NPAS3: variants seen among roughly 807,000 people sequenced by gnomAD.
NPAS3 encodes neuronal PAS domain-containing protein 3.
Under a neutral mutation model 73.1 loss-of-function variants are expected in NPAS3, and 14 were observed. The observed-to-expected ratio is 0.19, with a 90% CI of 0.13 to 0.30. The LOEUF (loss-of-function observed/expected upper bound fraction) is 0.30, where lower values mean the gene tolerates loss of function less well. NPAS3 is among the 10% of genes least tolerant of loss of function. The probability of loss-of-function intolerance (pLI) is 1.00; values close to 1 mark genes in which losing one functional copy is unlikely to be tolerated. For synonymous variants in NPAS3, 620 were observed against 541.5 expected, an observed-to-expected ratio of 1.14 and a Z score of -2.01; for missense variants, 1,096 against 1,250.0, an observed-to-expected ratio of 0.88 and a Z score of 1.86.
intron 3 of NPAS3, among the ~76,000 whole-genome samples, chr14:33,325,375 C>T (rs1445794860): frequency 6.6e-6 from 1 of 152,222 alleles, no homozygotes; most frequent in East Asian, 1.9e-4. Context: ...GGCACAGTGG[C>T]TCACGCCTGT....
chr14:33,219,888 A>C (rs1370401219), intron 3 of NPAS3, among the ~76,000 whole-genome samples: 3 of 152,168 alleles, frequency 2.0e-5, no homozygotes, highest in Non-Finnish European at 4.4e-5. Context: ...GTGATAGGTC[A>C]TCTTGGTCTA....
intron 4 of NPAS3, among the ~76,000 whole-genome samples, chr14:33,498,247 G>T (rs2052312351): frequency 6.6e-6 from 1 of 152,090 alleles, no homozygotes; most frequent in Admixed American, 6.6e-5. Context: ...GTTGGTGGGA[G>T]TGTAAATTAG....
In NPAS3 at chr14:33,800,168, T is replaced by C; in HGVS notation, c.1861T>C (p.Ser621Pro). ...CAGCCGCCGGCGCCTGTCCAGCGCG[T>C]CGAGCCCAGGCGGCCTGGACGCGGG... The change falls in exon 12 of 12, where the codon TCG (serine) becomes CCG (proline). Residue 621 changes from serine to proline, a missense_variant. By Grantham distance (74) the Ser-to-Pro change is moderately conservative. Transcript: ENST00000356141. This position sits in a 1 kb window ranked among gnomAD's most constrained non-coding sequence, Gnocchi z 6.5. The C allele has an allele frequency of 6.2e-7, 1 of 1,607,174 alleles. No individual in the cohort carries two copies. The highest frequency in any genetic ancestry group is 8.5e-7 in the Non-Finnish European group (1 of 1,177,644).
chr14:33,541,196 A>G (rs374556583), intron 4 of NPAS3, among the ~76,000 whole-genome samples: 17 of 151,960 alleles, frequency 1.1e-4, no homozygotes, highest in African/African-American at 3.6e-4. Flanking sequence ...GCAGCACTTG[A>G]TATCAGAGTT....
At chr14:32,982,281 C>A (rs150043995) in intron 1 of NPAS3, among the ~76,000 whole-genome samples, 1 of 152,264 alleles carries the variant, frequency 6.6e-6, no homozygotes, top group East Asian at 1.9e-4. Context: ...AAGATGGAGC[C>A]CTGATGGCCT....
chr14:33,699,236 A>T (rs2060467036), intron 6 of NPAS3, among the ~76,000 whole-genome samples: 1 of 152,262 alleles, frequency 6.6e-6, no homozygotes, highest in Admixed American at 6.5e-5. Context: ...CTGGAATAAT[A>T]AATCATTTTA....
chr14:32,975,300 C>CCCTCCCTTCCTCCTCT (rs1225159686), intron 1 of NPAS3, among the ~76,000 whole-genome samples: 4 of 147,566 alleles, frequency 2.7e-5, no homozygotes, highest in African/African-American at 1.0e-4. Flanking sequence ...TTCCCTCCCT[C>CCCTCCCTTCCTCCTCT]CCTCCCTGCC....
chr14:33,642,759 T>G (rs2058708993), intron 5 of NPAS3, among the ~76,000 whole-genome samples: 1 of 152,142 alleles, frequency 6.6e-6, no homozygotes, highest in East Asian at 1.9e-4. Context: ...AGCATATTGT[T>G]TGTGGTGTCA....
intron 7 of NPAS3, among the ~76,000 whole-genome samples, chr14:33,739,443 A>G (rs188259157): frequency 1.7e-3 from 266 of 152,352 alleles, no homozygotes; most frequent in African/African-American, 6.1e-3. Context: ...AGCTTTAAGA[A>G]TATCTGCATC....
At chr14:33,173,700 A>C (rs1221233978) in intron 2 of NPAS3, among the ~76,000 whole-genome samples, 4 of 152,178 alleles carry the variant, frequency 2.6e-5, no homozygotes, top group Non-Finnish European at 5.9e-5. Context: ...TTATACTTTG[A>C]ATGTGCTTTT....
At chr14:33,582,970 G>GTTTT (rs55885070) in intron 5 of NPAS3, among the ~76,000 whole-genome samples, 2 of 93,300 alleles carry the variant, frequency 2.1e-5, no homozygotes, top group African/African-American at 7.8e-5. Context: ...TATTTAAAGG[G>GTTTT]TTTTTTTTTT....
At chr14:33,214,309 AAACT>A (rs1412729096) in intron 2 of NPAS3, 8 of 152,326 alleles carry the variant, frequency 5.3e-5, no homozygotes, top group Non-Finnish European at 7.4e-5. Context: ...CAATGTGAGC[AAACT>A]TCAAACAGAA....
intron 5 of NPAS3, among the ~76,000 whole-genome samples, chr14:33,592,785 AAC>A (rs2139952895): frequency 6.6e-6 from 1 of 152,328 alleles, no homozygotes; most frequent in South Asian, 2.1e-4. Context: ...AAGAGAATAA[AAC>A]AGAGATGCTA....
intron 4 of NPAS3, among the ~76,000 whole-genome samples, chr14:33,412,480 T>C (rs1228995035): frequency 6.6e-6 from 1 of 152,210 alleles, no homozygotes; most frequent in Non-Finnish European, 1.5e-5. Context: ...CTGTAGCTTT[T>C]CCCTTCTTCA....
intron 3 of NPAS3, among the ~76,000 whole-genome samples, chr14:33,361,539 T>C (rs554939841): frequency 1.3e-5 from 2 of 152,328 alleles, no homozygotes; most frequent in Non-Finnish European, 1.5e-5. Flanking sequence ...TTTATAAGTA[T>C]TAAAATTTGC....
At chr14:33,409,873 G>T (rs769856645) in intron 4 of NPAS3, among the ~76,000 whole-genome samples, 21 of 152,134 alleles carry the variant, frequency 1.4e-4, no homozygotes, top group Non-Finnish European at 2.6e-4. Context: ...AATGACAGGA[G>T]ACATCTAAAA....
chr14:33,237,013 T>A (rs375603600), intron 3 of NPAS3, among the ~76,000 whole-genome samples: 5 of 152,094 alleles, frequency 3.3e-5, no homozygotes, highest in African/African-American at 9.7e-5. Context: ...AAATGAGATT[T>A]TTGTTTATGT....
intron 2 of NPAS3, among the ~76,000 whole-genome samples, chr14:33,099,520 A>G (rs1255587689): frequency 6.6e-6 from 1 of 152,194 alleles, no homozygotes; most frequent in East Asian, 1.9e-4. Context: ...GCACTAGGAA[A>G]TGGTGATAGA....
chr14:33,425,598 A>G (rs935207579), intron 4 of NPAS3, among the ~76,000 whole-genome samples: 1 of 150,118 alleles, frequency 6.7e-6, no homozygotes, highest in South Asian at 2.1e-4. Flanking sequence ...TGTAATAGAC[A>G]CTAGCAAGCT....
Sources: gnomAD v4.1 joint callset for allele counts (sites outside exome capture counted in the v4.1 genomes callset) on GRCh38, gnomAD v4.1.1 for gene constraint, Gnocchi (gnomAD v3.1) non-coding constraint, MANE v1.5 for transcripts, NCBI Gene and HGNC (gene_info 2026-07-23, HGNC 2026-07-21) for gene names.